Variants in PTK2 observed in about 807,000 individuals in gnomAD.
PTK2 encodes focal adhesion kinase 1.
PTK2 carries 45 observed loss-of-function variants against 150.1 expected under a neutral mutation model. The ratio of observed to expected loss-of-function variants is 0.30; its 90% CI spans 0.24 to 0.38. The LOEUF (loss-of-function observed/expected upper bound fraction) is 0.38, where lower values mean the gene tolerates loss of function less well. PTK2 is among the 10% of genes least tolerant of loss of function. The pLI is 1.00. For synonymous variants in PTK2, 432 were observed against 449.2 expected (o/e 0.96, Z 0.48); for missense variants, 919 against 1,307.3 (o/e 0.70, Z 4.58).
chr8:140,964,158 G>C (rs185285811), intron 1 of PTK2, among the ~76,000 whole-genome samples: 7 of 151,278 alleles, frequency 4.6e-5, no homozygotes, highest in African/African-American at 1.7e-4. Context: ...ACCTAAGACT[G>C]ATGTGGATGC....
intron 14 of PTK2, among the ~76,000 whole-genome samples, chr8:140,779,209 C>T (rs1242649134): frequency 6.7e-6 from 1 of 149,126 alleles, no homozygotes; most frequent in Non-Finnish European, 1.5e-5. Context: ...TTGCAGTGAG[C>T]CGAAATCCCA....
At chr8:140,962,375 C>A (rs893310849) in intron 1 of PTK2, among the ~76,000 whole-genome samples, 1 of 152,206 alleles carries the variant, frequency 6.6e-6, no homozygotes, top group Admixed American at 6.5e-5. Context: ...ATGAAGACAG[C>A]AGTCCCATAG....
intron 8 of PTK2, among the ~76,000 whole-genome samples, chr8:140,826,506 C>T (rs1043589785): frequency 3.9e-5 from 6 of 152,086 alleles, no homozygotes; most frequent in African/African-American, 7.2e-5. Flanking sequence ...TTCTAAGAAC[C>T]GTATTTATGA....
chr8:140,782,650 T>C (rs2154569941), intron 14 of PTK2, among the ~76,000 whole-genome samples: 1 of 152,302 alleles, frequency 6.6e-6, no homozygotes, highest in South Asian at 2.1e-4. Flanking sequence ...AAGGTTTTTT[T>C]TTTTCTTTTC....
chr8:140,772,657 T>C (rs528001585), intron 14 of PTK2, among the ~76,000 whole-genome samples: 1 of 152,194 alleles, frequency 6.6e-6, no homozygotes, highest in South Asian at 2.1e-4. Flanking sequence ...GAAATGTTTA[T>C]AAGCAGCACC....
chr8:140,793,374 C>G (rs770185531), exon 13 of PTK2: 1 of 1,609,164 alleles, frequency 6.2e-7, no homozygotes, highest in South Asian at 1.1e-5. Flanking sequence ...ATGGCAAAGC[C>G]CGTTCACCTT....
intron 2 of PTK2, among the ~76,000 whole-genome samples, chr8:140,899,167 C>A (rs2100157478): frequency 6.6e-6 from 1 of 152,152 alleles, no homozygotes; most frequent in Admixed American, 6.5e-5. Flanking sequence ...AACTTTGATA[C>A]ACTTTCTGTT....
In PTK2 at chr8:140,869,717, G is replaced by C. The variant is rs529844068; in HGVS notation, c.363-5318C>G. Among the ~76,000 whole-genome samples the C allele has an allele frequency of 3.3e-5, 5 of 151,984 alleles. No individual in the cohort carries two copies. The South Asian group carries it at 1.0e-3, about 32-fold the overall frequency. ...TACAATTCATCAATTCATACACAAA[G>C]ACAATAAATATGTTGCTGATAGGAA... On this transcript the variant is annotated intron_variant, in intron 4 of 31. Coordinates refer to ENST00000522684, the Ensembl canonical transcript of PTK2.
intron 29 of PTK2, chr8:140,672,294 G>C: frequency 1.2e-5 from 4 of 333,558 alleles, no homozygotes; most frequent in South Asian, 9.3e-5. Flanking sequence ...CTCCCGAGTA[G>C]CTGGGACTAT....
chr8:140,676,778 A>AAAAAAAAAC (rs2100014081), intron 27 of PTK2, among the ~76,000 whole-genome samples: 1 of 145,646 alleles, frequency 6.9e-6, no homozygotes, highest in African/African-American at 2.6e-5. Flanking sequence ...AAAAAAAAAA[A>AAAAAAAAAC]AAAAAAAAAA....
chr8:140,835,252 T>C (rs2100118022), intron 7 of PTK2, among the ~76,000 whole-genome samples: 1 of 152,230 alleles, frequency 6.6e-6, no homozygotes, highest in Non-Finnish European at 1.5e-5. Flanking sequence ...AAGCTTATTA[T>C]AAGCACATTT....
chr8:140,819,174 T>C (rs532741475), intron 8 of PTK2, among the ~76,000 whole-genome samples, 154 bp from the exon 9 acceptor site: 1 of 152,228 alleles, frequency 6.6e-6, no homozygotes, highest in Admixed American at 6.5e-5. Context: ...TATAAATGTA[T>C]TTATCAAAGC....
At chr8:140,956,836 T>C (rs1490823727) in intron 1 of PTK2, among the ~76,000 whole-genome samples, 1 of 151,772 alleles carries the variant, frequency 6.6e-6, no homozygotes, top group East Asian at 1.9e-4. Flanking sequence ...AGGCTGTGGG[T>C]GGATCACCTG....
At chr8:140,932,829 T>C (rs909133565) in intron 1 of PTK2, among the ~76,000 whole-genome samples, 2 of 149,878 alleles carry the variant, frequency 1.3e-5, no homozygotes, top group African/African-American at 2.5e-5. Context: ...CGGGGGTTTG[T>C]ATACAGCTAG....
chr8:140,666,908 T>C (rs1176676448), intron 30 of PTK2, among the ~76,000 whole-genome samples: 1 of 152,212 alleles, frequency 6.6e-6, no homozygotes, highest in Non-Finnish European at 1.5e-5. Flanking sequence ...AAATGTGGTG[T>C]GAACATACAG....
chr8:140,760,278 A>G (rs1323799604), intron 16 of PTK2, among the ~76,000 whole-genome samples: 3 of 152,180 alleles, frequency 2.0e-5, no homozygotes, highest in Non-Finnish European at 4.4e-5. Flanking sequence ...AAACTCATAT[A>G]TGAATGTTCA....
At chr8:140,837,264 T>C (rs2100119242) in intron 7 of PTK2, among the ~76,000 whole-genome samples, 1 of 152,076 alleles carries the variant, frequency 6.6e-6, no homozygotes, top group African/African-American at 2.4e-5. Flanking sequence ...ATACTTTTCC[T>C]TTGCCTACAA....
At chr8:140,735,223 C>A (rs1413366004) in intron 22 of PTK2, 28 bp downstream of exon 25, 2 of 1,602,804 alleles carry the variant, frequency 1.2e-6, no homozygotes, top group Admixed American at 1.7e-5. Flanking sequence ...GCCCCCACCC[C>A]CAGGCCCTCT....
At chr8:140,754,401 G>A (rs929411550) in intron 16 of PTK2, among the ~76,000 whole-genome samples, 6 of 152,234 alleles carry the variant, frequency 3.9e-5, no homozygotes, top group African/African-American at 1.2e-4. Context: ...ACTTCTTTAG[G>A]ACCATGACCA....
Sources: allele counts gnomAD v4.1 joint callset (sites outside exome capture counted in the v4.1 genomes callset), GRCh38; gene constraint gnomAD v4.1.1; transcripts MANE v1.5; gene names NCBI Gene and HGNC (gene_info 2026-07-23, HGNC 2026-07-21).